Variants in CUL3 observed in about 807,000 individuals in gnomAD.
CUL3 encodes cullin-3.
Under a neutral mutation model 89.1 loss-of-function variants are expected in CUL3, and 19 were observed. The ratio of observed to expected loss-of-function variants is 0.21; its 90% CI spans 0.15 to 0.31. The LOEUF (loss-of-function observed/expected upper bound fraction) is 0.31, where lower values mean the gene tolerates loss of function less well. Among genes scored for constraint, CUL3 ranks in the 10% least tolerant of loss-of-function variants. The pLI is 1.00. For missense variants in CUL3, 469 were observed against 942.3 expected, an observed-to-expected ratio of 0.50 and a Z score of 6.58; for synonymous variants, 351 against 308.4, an observed-to-expected ratio of 1.14 and a Z score of -1.45.
In CUL3 at chr2:224,506,495, T is replaced by C. The variant is rs187395150; in HGVS notation, c.1029+363A>G. ...CAAAACATGGCACATAATTTATTCATAGTACTCCTTGAAAACAAAACATTT... is the reference window on the plus strand; with the variant it reads ...CAAAACATGGCACATAATTTATTCACAGTACTCCTTGAAAACAAAACATTT... On this transcript the variant is annotated intron_variant, in intron 7 of 15. Transcript: ENST00000264414. 1.3e-3 allele frequency among the ~76,000 whole-genome samples: 197 copies of C among 152,324 alleles called. 1 individual carries two copies. The highest frequency in any genetic ancestry group is 4.5e-3 in the African/African-American group (187 of 41,574).
In CUL3 at chr2:224,585,066, A is replaced by C; in HGVS notation, c.-57T>G. The C allele has an allele frequency of 7.2e-7, 1 of 1,396,082 alleles. No individual in the cohort carries two copies. The allele number at this position is 1,396,082 out of a possible 1,614,324, so 86.5% of individuals were successfully genotyped here. A position where few individuals can be genotyped will look rare whatever the true frequency, so the allele number is the denominator to read the frequency against. ...GGTCGCGCTCCGCGACGCCGGTGTC[A>C]CATTTAAGGCGGGCAGGCAGGCTAG... On this transcript the variant is annotated 5_prime_UTR_variant, in exon 1 of 16. An upstream open reading frame in the 5' UTR loses its in-frame stop. Coordinates refer to ENST00000264414, the MANE Select transcript of CUL3 (RefSeq NM_003590.5).
intron 1 of CUL3, chr2:224,563,390 T>C (rs1326869615): frequency 1.3e-5 from 5 of 381,756 alleles, no homozygotes; most frequent in Non-Finnish European, 2.6e-5. Context: ...TTCTAAAACT[T>C]AAGAGGGATT....
At chr2:224,546,285 G>A (rs987102732) in intron 2 of CUL3, among the ~76,000 whole-genome samples, 1 of 152,190 alleles carries the variant, frequency 6.6e-6, no homozygotes, top group South Asian at 2.1e-4. Flanking sequence ...TCTCGAGTAC[G>A]ATGGAAAAAA....
intron 3 of CUL3, among the ~76,000 whole-genome samples, chr2:224,534,835 T>G (rs1007682606): frequency 6.0e-5 from 9 of 150,616 alleles, no homozygotes; most frequent in Admixed American, 6.6e-5. Context: ...AAAAATAAAA[T>G]AAAAATAAAA....
Position 224,484,653 on chromosome 2 carries a change from C to T in CUL3, c.1843-2575G>A, listed in dbSNP as rs75109554. The stretch of plus-strand genomic sequence containing the variant: ...AAAGACATTTCTCACATTAAGGTTA[C>T]CAAAATATTCAACATTTTCTTCCAT... On this transcript the variant is annotated intron_variant, in intron 13 of 15. Coordinates refer to ENST00000264414, the MANE Select transcript of CUL3 (RefSeq NM_003590.5). Among the ~76,000 whole-genome samples the T allele has an allele frequency of 5.4e-3, 815 of 152,164 alleles. 2 individuals carry two copies. Among genetic ancestry groups the T allele is most frequent in the Middle Eastern group, 0.01 (3 of 294 alleles).
chr2:224,582,544 C>T (rs1695465507), intron 1 of CUL3, among the ~76,000 whole-genome samples: 1 of 152,144 alleles, frequency 6.6e-6, no homozygotes, highest in South Asian at 2.1e-4. Flanking sequence ...TAGAAATCAG[C>T]AGCTATTAAC....
chr2:224,541,936 C>T (rs1694123679), intron 2 of CUL3, among the ~76,000 whole-genome samples: 1 of 152,026 alleles, frequency 6.6e-6, no homozygotes, highest in Non-Finnish European at 1.5e-5. Flanking sequence ...AGGGAGTTTA[C>T]TGGGGTCAAG....
intron 1 of CUL3, among the ~76,000 whole-genome samples, chr2:224,577,997 C>A (rs1471640602): frequency 6.6e-6 from 1 of 152,104 alleles, no homozygotes; most frequent in African/African-American, 2.4e-5. Flanking sequence ...ATTTGTAGAA[C>A]AGATAATAGT....
chr2:224,577,072 A>G (rs555145522), intron 1 of CUL3, among the ~76,000 whole-genome samples: 1 of 152,254 alleles, frequency 6.6e-6, no homozygotes, highest in Non-Finnish European at 1.5e-5. Flanking sequence ...CATTCGATGT[A>G]ACTGCTTGCA....
At chr2:224,502,510 A>G (rs1028666453) in intron 10 of CUL3, among the ~76,000 whole-genome samples, 2 of 152,190 alleles carry the variant, frequency 1.3e-5, no homozygotes, top group Admixed American at 1.3e-4. Context: ...ACGCACCCTT[A>G]GGATGTAAGT....
At chr2:224,480,398 A>T (rs1000477259) in intron 14 of CUL3, among the ~76,000 whole-genome samples, 3 of 152,042 alleles carry the variant, frequency 2.0e-5, no homozygotes, top group African/African-American at 7.2e-5. Context: ...TCATTTAAAA[A>T]CCATTCCCAA....
At position 224,548,692 on chromosome 2, in the gene CUL3, T is replaced by TC. The variant is rs750480872; in HGVS notation, c.264+8966dup. 3.3e-5 allele frequency among the ~76,000 whole-genome samples: 5 copies of TC among 152,192 alleles called. No individual in the cohort carries two copies. The South Asian group carries it at 6.2e-4, about 19-fold the overall frequency. ...CTTCCCATATTAAAACTAAAGTTTC[T>TC]CCCCTGACTTCAAGAAAATTAAAAA... On this transcript the variant is annotated intron_variant, in intron 2 of 15. Coordinates refer to ENST00000264414, the MANE Select transcript of CUL3 (RefSeq NM_003590.5).
intron 2 of CUL3, among the ~76,000 whole-genome samples, chr2:224,543,009 C>T (rs541240760): frequency 5.9e-5 from 9 of 152,220 alleles, no homozygotes; most frequent in Non-Finnish European, 4.4e-5. Context: ...CCACAACACA[C>T]ATAATTGTTT....
At chr2:224,540,908 C>T (rs774172696) in intron 2 of CUL3, among the ~76,000 whole-genome samples, 1 of 152,030 alleles carries the variant, frequency 6.6e-6, no homozygotes, top group Admixed American at 6.6e-5. Context: ...AAGAGCCCTG[C>T]TTTTTTAATG....
chr2:224,548,813 C>A (rs1206797905), intron 2 of CUL3, among the ~76,000 whole-genome samples: 1 of 151,292 alleles, frequency 6.6e-6, no homozygotes, highest in Admixed American at 6.6e-5. Context: ...GCCTGGGCAA[C>A]ATGGTGGAAA....
intron 8 of CUL3, among the ~76,000 whole-genome samples, chr2:224,505,000 T>C (rs1033163143): frequency 3.3e-5 from 5 of 152,192 alleles, no homozygotes; most frequent in South Asian, 4.1e-4. Context: ...CCAATTATTG[T>C]TTGACATATA....
intron 3 of CUL3, among the ~76,000 whole-genome samples, chr2:224,530,547 T>C (rs1447880279): frequency 4.0e-5 from 6 of 149,746 alleles, no homozygotes; most frequent in African/African-American, 1.5e-4. Flanking sequence ...GGTGCATATG[T>C]TTGTCAAAAA....
intron 3 of CUL3, among the ~76,000 whole-genome samples, chr2:224,519,205 A>G (rs1427019748): frequency 6.6e-6 from 1 of 152,238 alleles, no homozygotes; most frequent in Non-Finnish European, 1.5e-5. Context: ...TACTTAAAAT[A>G]TTGTACAAAA....
chr2:224,584,437 G>A (rs1365792285), intron 1 of CUL3, among the ~76,000 whole-genome samples: 1 of 152,176 alleles, frequency 6.6e-6, no homozygotes, highest in East Asian at 1.9e-4. Context: ...CACTGCGTCG[G>A]GGGCAGGTTG....
Sources: gnomAD v4.1 joint callset for allele counts (sites outside exome capture counted in the v4.1 genomes callset) on GRCh38, gnomAD v4.1.1 for gene constraint, MANE v1.5 for transcripts, NCBI Gene and HGNC (gene_info 2026-07-23, HGNC 2026-07-21) for gene names.